Variants in PAK5 observed in about 807,000 individuals in gnomAD.
PAK5 encodes p21 (RAC1) activated kinase 5, also known as serine/threonine-protein kinase PAK 5.
A neutral mutation model predicts 65.9 loss-of-function variants in PAK5; 16 were observed. That is an observed-to-expected ratio of 0.24 (90% CI 0.16 to 0.37). The LOEUF is 0.37. PAK5 is among the 10% of genes least tolerant of loss of function. The pLI is 1.00. For missense variants in PAK5, 785 were observed against 903.9 expected, an observed-to-expected ratio of 0.87 and a Z score of 1.69; for synonymous variants, 371 against 354.9, an observed-to-expected ratio of 1.05 and a Z score of -0.51.
At chr20:9,662,991 C>A (rs533210334) in intron 2 of PAK5, among the ~76,000 whole-genome samples, 164 of 152,132 alleles carry the variant, frequency 1.1e-3, no homozygotes, top group African/African-American at 3.6e-3. Flanking sequence ...TATAAAATGG[C>A]AACAATGGTG....
At chr20:9,637,895 T>G (rs1027603231) in intron 3 of PAK5, among the ~76,000 whole-genome samples, 5 of 152,232 alleles carry the variant, frequency 3.3e-5, no homozygotes, top group Non-Finnish European at 7.3e-5. Flanking sequence ...GTATTTTGTT[T>G]TTTAGCATTT....
chr20:9,821,916 A>G (rs942606898), intron 1 of PAK5, among the ~76,000 whole-genome samples: 2 of 152,244 alleles, frequency 1.3e-5, no homozygotes, highest in South Asian at 2.1e-4. Context: ...GATCATGGGC[A>G]TGAACAACAT....
intron 2 of PAK5, among the ~76,000 whole-genome samples, chr20:9,687,664 CCAAA>C (rs1295644324): frequency 2.0e-5 from 3 of 152,102 alleles, no homozygotes; most frequent in Non-Finnish European, 2.9e-5. Context: ...TCAGATACGG[CCAAA>C]CACTTTTTTT....
chr20:9,665,646 A>G (rs1485172713), intron 2 of PAK5, among the ~76,000 whole-genome samples: 1 of 149,630 alleles, frequency 6.7e-6, no homozygotes, highest in Non-Finnish European at 1.5e-5. Context: ...CCAGGTCTCA[A>G]TATTTCTTTT....
At chr20:9,568,734 A>C (rs1045299727) in intron 4 of PAK5, among the ~76,000 whole-genome samples, 61 of 152,218 alleles carry the variant, frequency 4.0e-4, no homozygotes, top group Admixed American at 5.2e-4. Flanking sequence ...TGGGAGGCTA[A>C]AGCTGAAGGA....
intron 1 of PAK5, among the ~76,000 whole-genome samples, chr20:9,760,120 T>C (rs896113654): frequency 5.9e-5 from 9 of 152,222 alleles, no homozygotes; most frequent in African/African-American, 1.9e-4. Context: ...CAGAGTGTTA[T>C]AGCAACATGA....
intron 1 of PAK5, among the ~76,000 whole-genome samples, chr20:9,737,709 G>A (rs567282895): frequency 2.0e-5 from 3 of 152,266 alleles, no homozygotes; most frequent in Admixed American, 6.5e-5. Flanking sequence ...ATTTAGAGAT[G>A]ACAACTATAC....
chr20:9,597,309 A>G (rs2046288184), intron 3 of PAK5, among the ~76,000 whole-genome samples: 2 of 152,244 alleles, frequency 1.3e-5, no homozygotes, highest in South Asian at 2.1e-4. Context: ...AGTGCAAAGC[A>G]GCTGGCTTGA....
chr20:9,618,949 T>TTTTTTTTA (rs1569002808), intron 3 of PAK5, among the ~76,000 whole-genome samples: 1 of 119,022 alleles, frequency 8.4e-6, no homozygotes, highest in Non-Finnish European at 1.8e-5. Flanking sequence ...TTTTTTTTTT[T>TTTTTTTTA]AATCTCACTG....
rs981233122 is a variant in PAK5, at chr20:9,639,054, A to T, written c.204+5071T>A. ...GCCAAAATGGCTTTAAACATGCATG[A>T]CTATATCCAGTCTTTTCTGCCCATT... is the stretch of plus-strand genomic sequence containing the variant. On this transcript the variant is annotated intron_variant, in intron 3 of 9. Transcript: ENST00000353224. 7.2e-5 allele frequency among the ~76,000 whole-genome samples: 11 copies of T among 152,258 alleles called. No individual in the cohort carries two copies. In the East Asian group the frequency reaches 1.9e-3, roughly 27 times the overall value.
chr20:9,739,329 G>T (rs570927075), intron 1 of PAK5, among the ~76,000 whole-genome samples: 1 of 151,046 alleles, frequency 6.6e-6, no homozygotes, highest in Non-Finnish European at 1.5e-5. Flanking sequence ...TTCCAGCTGC[G>T]TAAAATGATC....
intron 2 of PAK5, among the ~76,000 whole-genome samples, chr20:9,702,915 C>T (rs1186689839): frequency 1.3e-5 from 2 of 152,162 alleles, no homozygotes; most frequent in Non-Finnish European, 2.9e-5. Context: ...AATGTCAATC[C>T]CAGCCCATAG....
In PAK5 at chr20:9,565,964, T is replaced by C. The variant is rs2122992667; in HGVS notation, c.1411A>G (p.Thr471Ala). Residue 471 changes from threonine (T) to alanine (A), a missense_variant, in exon 5 of 10, where the codon ACA becomes GCA. Coordinates refer to ENST00000353224, the MANE Select transcript of PAK5 (RefSeq NM_177990.4). Reference protein sequence around the residue: ...GIVCIATEKHTGKQVAVKKMD... With the variant: ...GIVCIATEKHAGKQVAVKKMD... ...TTCTTCACTGCAACTTGTTTCCCTG[T>C]GTGTTTCTCGGTGGCGATGCATACG... 1 of 1,613,930 alleles carries C rather than the reference T, an allele frequency of 6.2e-7. No individual in the cohort carries two copies. Among genetic ancestry groups the C allele is most frequent in the Non-Finnish European group, 8.5e-7 (1 of 1,179,896 alleles).
rs1603182334 is a variant in PAK5, at chr20:9,538,661, T to A, written c.*801A>T. 1 of 233,174 alleles carries A rather than the reference T, an allele frequency of 4.3e-6. No homozygotes were observed. The highest frequency in any genetic ancestry group is 2.2e-5 in the African/African-American group (1 of 45,310). 14.4% of individuals were successfully genotyped at this position (233,174 alleles called of 1,614,324 possible). A position where few individuals can be genotyped will look rare whatever the true frequency, so the allele number is the denominator to read the frequency against. ...TGCTACTAGAGGCGTTCATGGAAAA[T>A]GTGATCTTTAAAAATATTTAACTTT... On this transcript the variant is annotated 3_prime_UTR_variant, in exon 10 of 10. Transcript: ENST00000353224.
At chr20:9,642,553 A>G (rs1293055312) in intron 3 of PAK5, among the ~76,000 whole-genome samples, 2 of 152,236 alleles carry the variant, frequency 1.3e-5, no homozygotes, top group East Asian at 3.8e-4. Flanking sequence ...AACTTGGGAT[A>G]TAAGAAAAAT....
intron 2 of PAK5, among the ~76,000 whole-genome samples, chr20:9,695,150 T>C (rs28513499): frequency 4.6e-5 from 7 of 152,104 alleles, no homozygotes; most frequent in Admixed American, 3.9e-4. Context: ...GCTTCTTTCA[T>C]GTGCCTTGGC....
chr20:9,785,254 G>T (rs562392711), intron 1 of PAK5, among the ~76,000 whole-genome samples: 1 of 152,096 alleles, frequency 6.6e-6, no homozygotes, highest in African/African-American at 2.4e-5. Flanking sequence ...CTCCCCAAAG[G>T]TGGCAAATTA....
At chr20:9,624,632 G>A (rs1344560852) in intron 3 of PAK5, among the ~76,000 whole-genome samples, 3 of 151,698 alleles carry the variant, frequency 2.0e-5, no homozygotes, top group Non-Finnish European at 4.4e-5. Flanking sequence ...AAGTCACAGC[G>A]ATCTCAAACA....
intron 1 of PAK5, among the ~76,000 whole-genome samples, chr20:9,782,039 G>A (rs1032187055): frequency 6.6e-6 from 1 of 152,070 alleles, no homozygotes; most frequent in Non-Finnish European, 1.5e-5. Context: ...ATAACCTTCA[G>A]AGCCTTATAT....
Sources: gnomAD v4.1 joint callset for allele counts (sites outside exome capture counted in the v4.1 genomes callset) on GRCh38, gnomAD v4.1.1 for gene constraint, MANE v1.5 for transcripts, NCBI Gene and HGNC (gene_info 2026-07-23, HGNC 2026-07-21) for gene names.